Variants in INTS8 observed in about 807,000 individuals in gnomAD.
The protein encoded by INTS8 is protein kaonashi-1.
INTS8 carries 47 observed loss-of-function variants against 138.9 expected under a neutral mutation model. The ratio of observed to expected loss-of-function variants is 0.34; its 90% CI spans 0.27 to 0.43. The LOEUF (loss-of-function observed/expected upper bound fraction) is 0.43. Among genes scored for constraint, INTS8 ranks in the 20% least tolerant of loss-of-function variants. INTS8 has a pLI of 1.00. For synonymous variants in INTS8, 392 were observed against 400.9 expected, an observed-to-expected ratio of 0.98 and a Z score of 0.27; for missense variants, 996 against 1,173.0, an observed-to-expected ratio of 0.85 and a Z score of 2.20.
intron 23 of INTS8, 164 bp from the exon 24 acceptor site, chr8:94,875,910 A>G (rs548528283): frequency 1.7e-6 from 1 of 586,654 alleles, no homozygotes; most frequent in African/African-American, 1.9e-5. Context: ...TATTGGTCAG[A>G]CAGACACGTG....
chr8:94,865,830 C>T (rs760504677), intron 17 of INTS8, 140 bp downstream of exon 17: 1 of 764,104 alleles, frequency 1.3e-6, no homozygotes, highest in Non-Finnish European at 2.1e-6. Flanking sequence ...CTTACGAGTT[C>T]TGTAGTACTC....
intron 15 of INTS8, among the ~76,000 whole-genome samples, chr8:94,859,245 C>A (rs1231502218): frequency 6.6e-6 from 1 of 151,556 alleles, no homozygotes; most frequent in Non-Finnish European, 1.5e-5. Context: ...CACACCACTG[C>A]ACTCTATCCT....
intron 13 of INTS8, among the ~76,000 whole-genome samples, chr8:94,853,535 G>T (rs749145203): frequency 1.9e-4 from 29 of 152,180 alleles, no homozygotes; most frequent in Non-Finnish European, 1.2e-4. Context: ...TTGTTGTGAG[G>T]ATTACCTGAA....
intron 14 of INTS8, among the ~76,000 whole-genome samples, chr8:94,854,207 GAAAAA>G (rs770693182): frequency 9.0e-6 from 1 of 110,880 alleles, no homozygotes; most frequent in Non-Finnish European, 1.9e-5. Context: ...GTCCATCTCG[GAAAAA>G]AAAAAAAAAA....
intron 6 of INTS8, among the ~76,000 whole-genome samples, chr8:94,833,572 C>G (rs752368993): frequency 4.6e-5 from 7 of 152,032 alleles, no homozygotes; most frequent in Non-Finnish European, 8.8e-5. Flanking sequence ...ATCTCATAAT[C>G]TTTCAGAACC....
chr8:94,867,241 C>A, intron 19 of INTS8, 35 bp from the exon 20 acceptor site: 1 of 1,597,840 alleles, frequency 6.3e-7, no homozygotes, highest in Non-Finnish European at 8.5e-7. Flanking sequence ...AAAGAAATTT[C>A]TTTGTAAATC....
intron 13 of INTS8, among the ~76,000 whole-genome samples, chr8:94,853,141 G>A (rs1277274950): frequency 2.6e-5 from 4 of 151,878 alleles, no homozygotes; most frequent in Admixed American, 1.3e-4. Flanking sequence ...GCGAAACCCC[G>A]TCTCTACTAA....
chr8:94,841,968 C>G (rs1226186394), intron 9 of INTS8, among the ~76,000 whole-genome samples: 2 of 151,784 alleles, frequency 1.3e-5, no homozygotes, highest in Admixed American at 6.6e-5. Flanking sequence ...ACTCAGGAGG[C>G]TGAGGCACGA....
chr8:94,833,418 A>G (rs151080692), intron 6 of INTS8, among the ~76,000 whole-genome samples: 4 of 151,926 alleles, frequency 2.6e-5, no homozygotes, highest in Non-Finnish European at 4.4e-5. Flanking sequence ...GGGTCTCCCT[A>G]TGTTGCCCAG....
intron 14 of INTS8, 109 bp downstream of exon 14, chr8:94,854,024 A>T (rs556135255): frequency 3.1e-6 from 2 of 635,054 alleles, no homozygotes; most frequent in African/African-American, 3.7e-5. Flanking sequence ...GGGCAGATCA[A>T]CTGAGGTCAA....
chr8:94,857,071 CTTTTT>C (rs376956021), intron 15 of INTS8, 93 bp downstream of exon 15: 316 of 545,608 alleles, frequency 5.8e-4, no homozygotes, highest in East Asian at 8.6e-4. Flanking sequence ...AGTTTGTAAT[CTTTTT>C]TTTTTTTTTT....
In INTS8 at chr8:94,880,298, G is replaced by T; in HGVS notation, c.*64G>T. ...GGCTAAAAATAAACAGTATTAAAAG[G>T]TTAAGTTTATATAATACATATGTAC... On this transcript the variant is annotated 3_prime_UTR_variant, in exon 27 of 27. Coordinates refer to ENST00000523731, the MANE Select transcript of INTS8 (RefSeq NM_017864.4). 1 of 851,998 alleles carries T rather than the reference G, an allele frequency of 1.2e-6. No individual in the cohort carries two copies. Among genetic ancestry groups the T allele is most frequent in the East Asian group, 2.7e-5 (1 of 37,340 alleles). 52.8% of individuals were successfully genotyped at this position (851,998 alleles called of 1,614,324 possible).
intron 6 of INTS8, among the ~76,000 whole-genome samples, chr8:94,834,442 C>T (rs1247815791): frequency 6.6e-6 from 1 of 151,396 alleles, no homozygotes; most frequent in African/African-American, 2.4e-5. Flanking sequence ...ATAGGAGGAA[C>T]TCTCTAGAAT....
chr8:94,836,977 C>T (rs1298514431), intron 7 of INTS8, among the ~76,000 whole-genome samples: 1 of 152,088 alleles, frequency 6.6e-6, no homozygotes, highest in Non-Finnish European at 1.5e-5. Flanking sequence ...TATGTTTGGG[C>T]ATTTAGGTTT....
At chr8:94,855,183 C>G (rs765133331) in intron 14 of INTS8, among the ~76,000 whole-genome samples, 7 of 152,184 alleles carry the variant, frequency 4.6e-5, no homozygotes, top group Non-Finnish European at 1.0e-4. Flanking sequence ...AACTGCTGCT[C>G]TAGACCATCA....
intron 10 of INTS8, among the ~76,000 whole-genome samples, chr8:94,844,503 G>C (rs1469984025): frequency 6.6e-6 from 1 of 151,870 alleles, no homozygotes; most frequent in Non-Finnish European, 1.5e-5. Flanking sequence ...TTTTAGTAGC[G>C]ACGGGGTTTT....
intron 16 of INTS8, chr8:94,864,611 G>A (rs1298277202): frequency 6.6e-6 from 1 of 152,292 alleles, no homozygotes; most frequent in Non-Finnish European, 1.5e-5. Flanking sequence ...AGGAGGCTGA[G>A]GCACAAAAAT....
chr8:94,849,666 A>G, intron 11 of INTS8, 134 bp downstream of exon 11: 1 of 630,864 alleles, frequency 1.6e-6, no homozygotes, highest in Non-Finnish European at 2.7e-6. Flanking sequence ...TTGAGAACCC[A>G]TTAAGTTCAA....
At chr8:94,832,841 A>G (rs1259669780) in intron 6 of INTS8, among the ~76,000 whole-genome samples, 1 of 151,942 alleles carries the variant, frequency 6.6e-6, no homozygotes, top group Non-Finnish European at 1.5e-5. Flanking sequence ...TTTTTAGTAG[A>G]GACGGGGTTT....
Sources: allele counts gnomAD v4.1 joint callset (sites outside exome capture counted in the v4.1 genomes callset), GRCh38; gene constraint gnomAD v4.1.1; transcripts MANE v1.5; gene names NCBI Gene and HGNC (gene_info 2026-07-23, HGNC 2026-07-21).